GPC6: variants seen among roughly 807,000 people sequenced by gnomAD.
GPC6 encodes the protein glypican-6.
In GPC6, 14 loss-of-function variants were observed where a neutral mutation model predicts 55.2. The ratio of observed to expected loss-of-function variants is 0.25; its 90% CI spans 0.17 to 0.40. The LOEUF is 0.40. Among genes scored for constraint, GPC6 ranks in the 10% least tolerant of loss-of-function variants. GPC6 has a pLI of 1.00. For missense variants in GPC6, 641 were observed against 708.5 expected (o/e 0.90, Z 1.08); for synonymous variants, 278 against 259.6 (o/e 1.07, Z -0.68).
At chr13:93,784,467 C>A (rs1323713313) in intron 2 of GPC6, among the ~76,000 whole-genome samples, 1 of 152,084 alleles carries the variant, frequency 6.6e-6, no homozygotes, top group Non-Finnish European at 1.5e-5. Flanking sequence ...TTTTCCAAAC[C>A]CCTTCCTCAA....
In GPC6 at chr13:93,981,667, C is replaced by A. The variant is rs928754485; in HGVS notation, c.712-46062C>A. Among the ~76,000 whole-genome samples the A allele has an allele frequency of 1.3e-5, 2 of 152,158 alleles. 1 individual carries two copies. The highest frequency in any genetic ancestry group is 2.9e-5 in the Non-Finnish European group (2 of 68,022). ...CTCATTCACCAACCTAAGCTTTTTT[C>A]TTTCCTGTATCTCTGTGGAGTTCTC... On this transcript the variant is annotated intron_variant, in intron 3 of 8. Transcript: ENST00000377047.
chr13:93,720,029 T>C (rs569435263), intron 2 of GPC6, among the ~76,000 whole-genome samples: 6 of 152,122 alleles, frequency 3.9e-5, no homozygotes, highest in African/African-American at 1.4e-4. Flanking sequence ...ATCTGATATA[T>C]TGGCCTGAAA....
chr13:94,144,251 G>A (rs1458708050), intron 4 of GPC6, among the ~76,000 whole-genome samples: 2 of 152,088 alleles, frequency 1.3e-5, no homozygotes, highest in Non-Finnish European at 2.9e-5. Context: ...AGACCATATT[G>A]TTTTTTAATA....
chr13:93,692,087 G>A (rs996312294), intron 2 of GPC6, among the ~76,000 whole-genome samples: 3 of 152,100 alleles, frequency 2.0e-5, no homozygotes, highest in African/African-American at 7.2e-5. Context: ...AAAGTCATGC[G>A]GTTAGTAAAT....
Position 93,933,228 on chromosome 13 carries a change from T to C in GPC6, c.712-94501T>C, listed in dbSNP as rs189022690. Among the ~76,000 whole-genome samples, 39 of 152,252 alleles carry C rather than the reference T, an allele frequency of 2.6e-4. No individual in the cohort carries two copies. In the East Asian group the frequency reaches 7.0e-3, roughly 27 times the overall value. On this transcript the variant is annotated intron_variant, in intron 3 of 8. Transcript: ENST00000377047. ...CTTCCCCAGGGGCCATTTAGAAATG[T>C]CTGGAGACATTTTTGGGTTGTGCTT...
chr13:93,217,502 C>G, the GPC6 span, among the ~76,000 whole-genome samples: 2 of 152,112 alleles, frequency 1.3e-5, no homozygotes, highest in South Asian at 4.1e-4. Context: ...TTCAAATGTT[C>G]TTTTCTTTTC....
intron 3 of GPC6, among the ~76,000 whole-genome samples, chr13:93,960,263 T>C (rs1879706020): frequency 6.6e-6 from 1 of 152,196 alleles, no homozygotes; most frequent in South Asian, 2.1e-4. Context: ...TTTTTACATA[T>C]TGAGCACTTA....
At chr13:93,480,784 T>C (rs1404118092) in intron 1 of GPC6, among the ~76,000 whole-genome samples, 1 of 152,336 alleles carries the variant, frequency 6.6e-6, no homozygotes, top group Middle Eastern at 3.4e-3. Flanking sequence ...ATGCCATTCC[T>C]TTTTATTGCC....
intron 4 of GPC6, among the ~76,000 whole-genome samples, chr13:94,042,578 T>C (rs1364224151): frequency 3.3e-5 from 5 of 151,910 alleles, no homozygotes; most frequent in Non-Finnish European, 5.9e-5. Flanking sequence ...CTTGACACTA[T>C]TGATAAACAC....
At chr13:93,761,669 T>C (rs2138877629) in intron 2 of GPC6, among the ~76,000 whole-genome samples, 1 of 152,308 alleles carries the variant, frequency 6.6e-6, no homozygotes, top group African/African-American at 2.4e-5. Context: ...CACACCGGGC[T>C]AATTTTTTAA....
intron 2 of GPC6, among the ~76,000 whole-genome samples, chr13:93,713,886 A>G (rs1238637754): frequency 6.6e-6 from 1 of 151,506 alleles, no homozygotes; most frequent in Non-Finnish European, 1.5e-5. Flanking sequence ...GATCTCATGC[A>G]GAAGAATGAA....
rs1281434478 is a variant in GPC6, at chr13:93,867,893, AG to A, written c.711+37350del. Reference sequence around the variant, plus strand: ...GAATCCATGTCTTGTTGTGGGACCCAGGTCCAAAGCCTGTATGGACCTGAAG... The same window carrying A: ...GAATCCATGTCTTGTTGTGGGACCCAGTCCAAAGCCTGTATGGACCTGAAG... On this transcript the variant is annotated intron_variant, in intron 3 of 8. Coordinates refer to ENST00000377047, the MANE Select transcript of GPC6 (RefSeq NM_005708.5). Among the ~76,000 whole-genome samples, 3 of 151,788 alleles carry A rather than the reference AG, an allele frequency of 2.0e-5. No individual in the cohort carries two copies. The East Asian group carries it at 5.9e-4, about 30-fold the overall frequency.
intron 3 of GPC6, among the ~76,000 whole-genome samples, chr13:93,959,542 G>A (rs192957355): frequency 1.1e-4 from 17 of 152,230 alleles, no homozygotes; most frequent in East Asian, 1.9e-4. Context: ...CAGAAGTGGC[G>A]CATAAATAAA....
intron 3 of GPC6, among the ~76,000 whole-genome samples, chr13:94,026,205 A>AT (rs1461862977): frequency 1.3e-5 from 2 of 152,174 alleles, no homozygotes; most frequent in African/African-American, 4.8e-5. Flanking sequence ...TTTTTTAGTG[A>AT]TTTTGTCAAC....
chr13:93,351,417 A>T (rs551523156), intron 1 of GPC6, among the ~76,000 whole-genome samples: 1 of 152,104 alleles, frequency 6.6e-6, no homozygotes, highest in African/African-American at 2.4e-5. Flanking sequence ...TTAGTTGTCA[A>T]AAAAGAGTCT....
intron 8 of GPC6, 130 bp from the exon 9 acceptor site, chr13:94,402,885 T>C: frequency 1.3e-6 from 1 of 792,780 alleles, no homozygotes; most frequent in East Asian, 2.4e-5. Context: ...ATGATTGAAT[T>C]ACCTCCACAT....
chr13:93,960,899 G>A (rs919495008), intron 3 of GPC6, among the ~76,000 whole-genome samples: 36 of 145,078 alleles, frequency 2.5e-4, no homozygotes, highest in South Asian at 6.7e-4. Context: ...TGCAAGCTCC[G>A]CCTCCCAGGT....
intron 2 of GPC6, among the ~76,000 whole-genome samples, chr13:93,780,489 C>G (rs1390035351): frequency 1.3e-5 from 2 of 152,066 alleles, no homozygotes; most frequent in East Asian, 1.9e-4. Flanking sequence ...AAAGCTTTCT[C>G]TAAACTGGTA....
chr13:94,348,688 C>T (rs1878401368), intron 6 of GPC6, among the ~76,000 whole-genome samples: 1 of 152,198 alleles, frequency 6.6e-6, no homozygotes, highest in Non-Finnish European at 1.5e-5. Context: ...GCTTCCTCCT[C>T]TGAACTCCTA....
Sources: allele counts gnomAD v4.1 joint callset (sites outside exome capture counted in the v4.1 genomes callset), GRCh38; gene constraint gnomAD v4.1.1; transcripts MANE v1.5; gene names NCBI Gene and HGNC (gene_info 2026-07-23, HGNC 2026-07-21).